The following CCDC7 variants were observed in gnomAD, a reference collection of about 807,000 sequenced individuals.
The protein encoded by CCDC7 is coiled-coil domain containing 7, also known as coiled-coil domain-containing protein 7.
A neutral mutation model predicts 196.9 loss-of-function variants in CCDC7; 183 were observed. The observed-to-expected ratio is 0.93, with a 90% CI of 0.82 to 1.05. The LOEUF (loss-of-function observed/expected upper bound fraction) is 1.05. CCDC7 is among the 50% of genes least tolerant of loss of function. The pLI is 0.00. For missense variants in CCDC7, 1,540 were observed against 1,482.2 expected (o/e 1.04, Z -0.64); for synonymous variants, 525 against 484.6 (o/e 1.08, Z -1.10).
intron 24 of CCDC7, among the ~76,000 whole-genome samples, chr10:32,709,164 C>T (rs2080356282): frequency 6.6e-6 from 1 of 151,954 alleles, no homozygotes; most frequent in Admixed American, 6.6e-5. Flanking sequence ...AGTTCATGTC[C>T]TTTGTAGGGA....
At chr10:32,603,695 G>A (rs1000028812) in intron 18 of CCDC7, among the ~76,000 whole-genome samples, 5 of 150,498 alleles carry the variant, frequency 3.3e-5, no homozygotes, top group South Asian at 2.1e-4. Context: ...TTTAGATTTC[G>A]TTATGATTAA....
At chr10:32,851,436 T>C (rs997473867) in intron 39 of CCDC7, among the ~76,000 whole-genome samples, 2 of 152,224 alleles carry the variant, frequency 1.3e-5, no homozygotes, top group African/African-American at 4.8e-5. Flanking sequence ...ATTTTGATCT[T>C]ACATTGTTAA....
At position 32,468,347 on chromosome 10, in the gene CCDC7, T is replaced by C. The variant is rs192912324; in HGVS notation, c.511-2717T>C. 5.3e-5 allele frequency among the ~76,000 whole-genome samples: 8 copies of C among 152,290 alleles called. No homozygotes were observed. The East Asian group carries it at 1.5e-3, about 29-fold the overall frequency. ...CTAGGTATTCTTTTTGTGGCAATTG[T>C]GAATGGGATTGCATTCCTGATTTGG... On this transcript the variant is annotated intron_variant, in intron 5 of 41. Coordinates refer to ENST00000639629, the Ensembl canonical transcript of CCDC7.
At chr10:32,450,410 TG>T (rs1437144635), upstream of CCDC7, among the ~76,000 whole-genome samples, 1 of 152,342 alleles carries the variant, frequency 6.6e-6, no homozygotes, top group Non-Finnish European at 1.5e-5. Context: ...TTCAAAGTGC[TG>T]GGGGCTTAGG....
chr10:32,529,215 G>T (rs953944719), intron 11 of CCDC7, among the ~76,000 whole-genome samples: 1 of 152,022 alleles, frequency 6.6e-6, no homozygotes, highest in Non-Finnish European at 1.5e-5. Flanking sequence ...TAGAGATGGG[G>T]TTTCACATGT....
chr10:32,660,395 G>A (rs1452644544), intron 20 of CCDC7, among the ~76,000 whole-genome samples: 5 of 138,006 alleles, frequency 3.6e-5, no homozygotes, highest in African/African-American at 1.1e-4. Flanking sequence ...TTGTTCTTGC[G>A]ATAGTTTACT....
intron 20 of CCDC7, among the ~76,000 whole-genome samples, chr10:32,639,010 A>G (rs2066201519): frequency 6.6e-6 from 1 of 152,068 alleles, no homozygotes; most frequent in Admixed American, 6.5e-5. Context: ...TTTCTAGTTT[A>G]TTTGCATAGA....
chr10:32,465,139 T>C (rs1385269869), intron 5 of CCDC7, among the ~76,000 whole-genome samples: 1 of 151,008 alleles, frequency 6.6e-6, no homozygotes, highest in Non-Finnish European at 1.5e-5. Flanking sequence ...ATTCAACGAA[T>C]AAACTGGCAC....
chr10:32,444,850 G>GTT (rs59116319), upstream of CCDC7, among the ~76,000 whole-genome samples: 15 of 140,318 alleles, frequency 1.1e-4, no homozygotes, highest in African/African-American at 2.9e-4. Flanking sequence ...ATGCCTTCAT[G>GTT]TTTTTTTTTT....
intron 11 of CCDC7, among the ~76,000 whole-genome samples, chr10:32,535,037 GC>G (rs2050252576): frequency 1.3e-5 from 2 of 151,614 alleles, no homozygotes; most frequent in African/African-American, 4.8e-5. Context: ...CATGCTTGTC[GC>G]AGGACAGAAT....
chr10:32,826,268 T>C (rs1005616017), intron 32 of CCDC7, among the ~76,000 whole-genome samples: 2 of 152,186 alleles, frequency 1.3e-5, no homozygotes, highest in Admixed American at 1.3e-4. Context: ...TTCTAATTTA[T>C]ATGAGCAGAA....
intron 8 of CCDC7, among the ~76,000 whole-genome samples, chr10:32,484,826 C>A (rs1010736044): frequency 6.6e-6 from 1 of 152,178 alleles, no homozygotes; most frequent in Admixed American, 6.5e-5. Context: ...GTTGAACCAG[C>A]CTTGCATCCC....
intron 3 of CCDC7, among the ~76,000 whole-genome samples, chr10:32,457,832 C>A (rs2034695783): frequency 6.6e-6 from 1 of 151,508 alleles, no homozygotes; most frequent in African/African-American, 2.4e-5. Flanking sequence ...GTGTATCTTT[C>A]TTTTGAGAAA....
intron 16 of CCDC7, among the ~76,000 whole-genome samples, chr10:32,577,955 C>A (rs1280638227): frequency 6.6e-6 from 1 of 152,182 alleles, no homozygotes; most frequent in Non-Finnish European, 1.5e-5. Context: ...AGAAGAAAAT[C>A]ATTTCATCCA....
intron 28 of CCDC7, among the ~76,000 whole-genome samples, chr10:32,746,404 G>A (rs1416130262): frequency 1.3e-5 from 2 of 152,188 alleles, no homozygotes; most frequent in African/African-American, 4.8e-5. Flanking sequence ...AGAGGTGGCA[G>A]GGACAGGGGT....
chr10:32,879,523 T>C (rs1234419349), downstream of CCDC7, among the ~76,000 whole-genome samples: 1 of 152,000 alleles, frequency 6.6e-6, no homozygotes, highest in Non-Finnish European at 1.5e-5. Flanking sequence ...CCCCAAACAA[T>C]GAATCAACCA....
At chr10:32,687,340 G>A (rs922683651) in intron 22 of CCDC7, among the ~76,000 whole-genome samples, 1 of 152,318 alleles carries the variant, frequency 6.6e-6, no homozygotes, top group African/African-American at 2.4e-5. Flanking sequence ...TAAGTTTACA[G>A]TCTTCCACAT....
At chr10:32,492,074 G>A in intron 9 of CCDC7, 77 bp downstream of exon 10, 6 of 1,362,552 alleles carry the variant, frequency 4.4e-6, no homozygotes, top group Non-Finnish European at 5.8e-6. Flanking sequence ...TTTTCCATAT[G>A]TAATATGTTC....
At chr10:32,685,996 C>T in exon 22 of CCDC7, 2 of 1,583,062 alleles carry the variant, frequency 1.3e-6, no homozygotes, top group Non-Finnish European at 1.7e-6. Flanking sequence ...AAATGAAAGG[C>T]TTGTAGTTGA....
Sources: allele counts gnomAD v4.1 joint callset (sites outside exome capture counted in the v4.1 genomes callset), GRCh38; gene constraint gnomAD v4.1.1; transcripts MANE v1.5; gene names NCBI Gene and HGNC (gene_info 2026-07-23, HGNC 2026-07-21).